The following CPED1 variants were observed in gnomAD, a reference collection of about 807,000 sequenced individuals.
CPED1 encodes the protein cadherin like and PC-esterase domain containing 1.
CPED1 carries 114 observed loss-of-function variants against 128.2 expected under a neutral mutation model. The observed-to-expected ratio is 0.89, with a 90% CI of 0.76 to 1.04. The LOEUF (loss-of-function observed/expected upper bound fraction) is 1.04, where lower values mean the gene tolerates loss of function less well. Among genes scored for constraint, CPED1 ranks in the 50% least tolerant of loss-of-function variants. The probability of loss-of-function intolerance (pLI) is 0.00; values close to 1 mark genes in which losing one functional copy is unlikely to be tolerated. For missense variants in CPED1, 1,211 were observed against 1,207.1 expected (o/e 1.00, Z -0.05); for synonymous variants, 462 against 426.7 (o/e 1.08, Z -1.02).
At chr7:121,169,703 T>G (rs1796607584) in intron 16 of CPED1, among the ~76,000 whole-genome samples, 1 of 152,208 alleles carries the variant, frequency 6.6e-6, no homozygotes, top group Non-Finnish European at 1.5e-5. Flanking sequence ...ATCTTATTGA[T>G]CTGTGGCTAG....
chr7:121,032,613 C>T (rs1411559872), intron 3 of CPED1, among the ~76,000 whole-genome samples: 1 of 151,812 alleles, frequency 6.6e-6, no homozygotes, highest in Admixed American at 6.6e-5. Context: ...GGGCTTAAAA[C>T]CTAGATGACA....
chr7:121,072,671 G>A (rs927298385), intron 5 of CPED1, among the ~76,000 whole-genome samples: 4 of 152,098 alleles, frequency 2.6e-5, no homozygotes, highest in Non-Finnish European at 4.4e-5. Context: ...GTGGGAAATA[G>A]AGCATTAATC....
At chr7:121,223,768 G>T (rs908817959) in intron 16 of CPED1, among the ~76,000 whole-genome samples, 1 of 152,074 alleles carries the variant, frequency 6.6e-6, no homozygotes, top group South Asian at 2.1e-4. Context: ...AGTATTCTCT[G>T]ATGGTAGTCT....
intron 5 of CPED1, among the ~76,000 whole-genome samples, chr7:121,095,537 A>C (rs1401714684): frequency 6.6e-6 from 1 of 151,918 alleles, no homozygotes; most frequent in Non-Finnish European, 1.5e-5. Flanking sequence ...GGAATAATAT[A>C]ATTGGAAGCC....
At chr7:121,281,972 A>G (rs1375491656) in intron 22 of CPED1, among the ~76,000 whole-genome samples, 2 of 152,184 alleles carry the variant, frequency 1.3e-5, no homozygotes, top group Non-Finnish European at 2.9e-5. Context: ...ACAAAAGTAA[A>G]GAGGAGTTAC....
intron 7 of CPED1, among the ~76,000 whole-genome samples, chr7:121,117,743 A>G (rs1426806851): frequency 6.6e-6 from 1 of 152,090 alleles, no homozygotes; most frequent in Admixed American, 6.5e-5. Flanking sequence ...CCAGAACTTC[A>G]CCTTTCATAC....
chr7:121,014,278 T>C (rs1359953901), intron 2 of CPED1, among the ~76,000 whole-genome samples: 2 of 152,048 alleles, frequency 1.3e-5, no homozygotes, highest in Non-Finnish European at 2.9e-5. Context: ...TTGGGCCGGG[T>C]GCGGTGGCTC....
At chr7:121,218,470 T>A (rs1797808707) in intron 16 of CPED1, among the ~76,000 whole-genome samples, 1 of 152,050 alleles carries the variant, frequency 6.6e-6, no homozygotes, top group Admixed American at 6.6e-5. Context: ...ACTATTTATA[T>A]GTGGGACAGT....
intron 7 of CPED1, among the ~76,000 whole-genome samples, chr7:121,113,898 G>A (rs1216793947): frequency 6.6e-6 from 1 of 151,790 alleles, no homozygotes; most frequent in African/African-American, 2.4e-5. Flanking sequence ...GCACGATCTC[G>A]GCTCACTGCA....
chr7:121,178,608 C>T (rs1031300141), intron 16 of CPED1, among the ~76,000 whole-genome samples: 44 of 151,996 alleles, frequency 2.9e-4, no homozygotes, highest in African/African-American at 1.0e-3. Context: ...TGGCAAAGTA[C>T]ATGTGTCCCA....
chr7:121,207,356 C>A (rs1383618337), intron 16 of CPED1, among the ~76,000 whole-genome samples: 1 of 149,378 alleles, frequency 6.7e-6, no homozygotes, highest in African/African-American at 2.4e-5. Flanking sequence ...TGCCTGTTTC[C>A]CCACAGTCTC....
chr7:121,125,878 C>G lies in CPED1; in HGVS notation c.1120C>G (p.Pro374Ala). The change falls in exon 9 of 23, where the codon CCT becomes GCT. Residue 374 changes from proline to alanine, a missense_variant. Coordinates refer to ENST00000310396, the MANE Select transcript of CPED1 (RefSeq NM_024913.5). Reference sequence around the variant, plus strand: ...TATTGGTTATGGCAGTTTCATGTACCCTGTAGTGCTCCAGGTCAGTATGCC... The same window carrying G: ...TATTGGTTATGGCAGTTTCATGTACGCTGTAGTGCTCCAGGTCAGTATGCC... ...FDIGYGSFMYPVVLQVHEHLN... is the reference protein window; with the variant it reads ...FDIGYGSFMYAVVLQVHEHLN... 6.2e-7 allele frequency: 1 copy of G among 1,612,236 alleles called. No homozygotes were observed. Among genetic ancestry groups the G allele is most frequent in the South Asian group, 1.1e-5 (1 of 91,040 alleles).
chr7:121,196,176 C>A (rs970530258), intron 16 of CPED1, among the ~76,000 whole-genome samples: 3 of 151,982 alleles, frequency 2.0e-5, no homozygotes, highest in African/African-American at 7.2e-5. Flanking sequence ...CTATTGGCTG[C>A]TGGAATAGTC....
At chr7:121,179,928 C>G (rs995566847) in intron 16 of CPED1, among the ~76,000 whole-genome samples, 1 of 151,934 alleles carries the variant, frequency 6.6e-6, no homozygotes, top group Admixed American at 6.6e-5. Flanking sequence ...AAAAATGAAA[C>G]TAACAATGAT....
chr7:121,018,073 A>G (rs62470917), intron 3 of CPED1, among the ~76,000 whole-genome samples: 36,554 of 152,000 alleles, frequency 0.24, 4,720 homozygotes, highest in East Asian at 0.42. Flanking sequence ...TGGAACATTG[A>G]TTTTTGTTTT....
At chr7:121,171,017 T>G (rs1256884507) in intron 16 of CPED1, among the ~76,000 whole-genome samples, 2 of 151,760 alleles carry the variant, frequency 1.3e-5, no homozygotes, top group Admixed American at 6.6e-5. Context: ...GCCACTGCAC[T>G]CCAGCCTAAG....
intron 18 of CPED1, among the ~76,000 whole-genome samples, chr7:121,259,128 C>T (rs896248192): frequency 1.3e-5 from 2 of 151,954 alleles, no homozygotes; most frequent in Non-Finnish European, 2.9e-5. Flanking sequence ...TACTGTTGTA[C>T]ATTGATGAAT....
intron 3 of CPED1, among the ~76,000 whole-genome samples, chr7:121,028,524 A>G (rs1003868812): frequency 2.0e-5 from 3 of 152,192 alleles, no homozygotes; most frequent in Admixed American, 6.6e-5. Context: ...GTCAAAGCCA[A>G]TGATCTCATT....
intron 5 of CPED1, among the ~76,000 whole-genome samples, chr7:121,071,124 A>G (rs914870873): frequency 2.0e-5 from 3 of 152,158 alleles, no homozygotes; most frequent in African/African-American, 7.2e-5. Flanking sequence ...AACAAAAGCC[A>G]TTTGGTCTCC....
Sources: gnomAD v4.1 joint callset for allele counts (sites outside exome capture counted in the v4.1 genomes callset) on GRCh38, gnomAD v4.1.1 for gene constraint, MANE v1.5 for transcripts, NCBI Gene and HGNC (gene_info 2026-07-23, HGNC 2026-07-21) for gene names.